ARSJ: variants seen among roughly 807,000 people sequenced by gnomAD.
The protein encoded by ARSJ is arylsulfatase family member J.
In ARSJ, 26 loss-of-function variants were observed where a neutral mutation model predicts 35.9. The observed-to-expected ratio is 0.72, with a 90% CI of 0.53 to 1.00. ARSJ has a LOEUF of 1.00. Ranked by LOEUF, ARSJ falls within the 50% of genes least tolerant of loss-of-function variation. The pLI is 0.00. For synonymous variants in ARSJ, 294 were observed against 267.6 expected, an observed-to-expected ratio of 1.10 and a Z score of -0.96; for missense variants, 667 against 723.6, an observed-to-expected ratio of 0.92 and a Z score of 0.90.
intron 1 of ARSJ, among the ~76,000 whole-genome samples, chr4:113,932,818 T>G (rs1478577352): frequency 1.3e-5 from 2 of 151,714 alleles, no homozygotes; most frequent in Non-Finnish European, 2.9e-5. Flanking sequence ...CAAGAACAAA[T>G]TAAACTCAAC....
intron 1 of ARSJ, among the ~76,000 whole-genome samples, chr4:113,916,832 T>C (rs112948822): frequency 0.013 from 2,028 of 152,246 alleles, 51 homozygotes; most frequent in South Asian, 0.061. Flanking sequence ...CAGTGCTCTA[T>C]GGGGAGACAC....
At position 113,972,293 on chromosome 4, in the gene ARSJ, G is replaced by GAAAAAAAAAA. The variant is rs750176630; in HGVS notation, c.398+6134_398+6143dup. Among the ~76,000 whole-genome samples the GAAAAAAAAAA allele has an allele frequency of 6.5e-5, 4 of 61,614 alleles. 2 individuals are homozygous for GAAAAAAAAAA. The highest frequency in any genetic ancestry group is 1.2e-4 in the Non-Finnish European group (4 of 32,944). 40.4% of individuals were successfully genotyped at this position (61,614 alleles called of 152,430 possible). ...TCATTACTTTCTAAGAGATGATCTGGAAAAAAAAAAAAACAAAAAAAAAAA... is the reference window on the plus strand; with the variant it reads ...TCATTACTTTCTAAGAGATGATCTGGAAAAAAAAAAAAAAAAAAAAAAACAAAAAAAAAAA... On this transcript the variant is annotated intron_variant, in intron 1 of 1. Coordinates refer to ENST00000315366, the MANE Select transcript of ARSJ (RefSeq NM_024590.4).
At chr4:113,911,085 G>A (rs777451669) in intron 1 of ARSJ, among the ~76,000 whole-genome samples, 32 of 152,262 alleles carry the variant, frequency 2.1e-4, no homozygotes, top group Non-Finnish European at 3.8e-4. Context: ...GATGATTTTT[G>A]CAGCAGGAGG....
At position 113,978,704 on chromosome 4, in the gene ARSJ, A is replaced by T; in HGVS notation, c.131T>A (p.Leu44Gln). ...CTCTTCTAAGGCCTGGCCCCAGGAC[A>T]GGTAACCATAAGTGAGGAGGCAGAG... ...WILCLLTYGY[L>Q]SWGQALEEEE... The change falls in exon 1 of 2, where the codon CTG becomes CAG. Residue 44 changes from leucine to glutamine, a missense_variant. Leu to Gln is a moderately radical substitution (Grantham distance 113). Transcript: ENST00000315366. 1 of 1,614,244 alleles carries T rather than the reference A, an allele frequency of 6.2e-7. No individual in the cohort carries two copies. Among genetic ancestry groups the T allele is most frequent in the South Asian group, 1.1e-5 (1 of 91,092 alleles).
At chr4:113,939,313 T>C (rs1198348776) in intron 1 of ARSJ, among the ~76,000 whole-genome samples, 2 of 147,706 alleles carry the variant, frequency 1.4e-5, no homozygotes, top group Non-Finnish European at 3.0e-5. Context: ...TCTATCATTG[T>C]TGGACATTTG....
chr4:113,918,634 G>A (rs2149257252), intron 1 of ARSJ, among the ~76,000 whole-genome samples: 2 of 152,136 alleles, frequency 1.3e-5, no homozygotes, highest in South Asian at 4.2e-4. Flanking sequence ...GCCAATTTAT[G>A]CCAAACATTC....
intron 1 of ARSJ, among the ~76,000 whole-genome samples, chr4:113,931,018 A>T (rs1180013126): frequency 6.6e-6 from 1 of 151,276 alleles, no homozygotes; most frequent in African/African-American, 2.4e-5. Flanking sequence ...CACTCTGGGG[A>T]CTGTGGTGGG....
At chr4:113,975,752 C>T (rs1727551974) in intron 1 of ARSJ, among the ~76,000 whole-genome samples, 1 of 152,180 alleles carries the variant, frequency 6.6e-6, no homozygotes. Context: ...AACACAGTGA[C>T]TGCTCAGCAG....
chr4:113,912,198 G>T (rs1722956408), intron 1 of ARSJ, among the ~76,000 whole-genome samples: 1 of 152,158 alleles, frequency 6.6e-6, no homozygotes, highest in Non-Finnish European at 1.5e-5. Flanking sequence ...TGGAGCCCAG[G>T]ATATACCATC....
intron 1 of ARSJ, among the ~76,000 whole-genome samples, chr4:113,949,159 G>A (rs1725693443): frequency 1.3e-5 from 2 of 151,912 alleles, no homozygotes; most frequent in East Asian, 3.9e-4. Flanking sequence ...ATGGGCACAG[G>A]GAGGGGAACA....
chr4:113,931,595 C>T (rs554843987), intron 1 of ARSJ, among the ~76,000 whole-genome samples: 2 of 152,172 alleles, frequency 1.3e-5, no homozygotes, highest in South Asian at 4.1e-4. Context: ...ATTAAAAATA[C>T]ATTTCAAATT....
chr4:113,903,013 C>T lies in ARSJ; in HGVS notation c.1061G>A (p.Arg354Gln). The stretch of plus-strand genomic sequence containing the variant: ...TGGGCTATGCACAAAGCCTACAGCC[C>T]GGATCCCTCCTTCCCAATATGTTCC... Reference protein sequence around the residue: ...SKGTYWEGGIRAVGFVHSPLL... With the variant: ...SKGTYWEGGIQAVGFVHSPLL... Residue 354 changes from arginine to glutamine, a missense_variant, in exon 2 of 2, where the codon CGG becomes CAG. By Grantham distance (43) the Arg-to-Gln change is conservative (BLOSUM62 1). Coordinates refer to ENST00000315366, the MANE Select transcript of ARSJ (RefSeq NM_024590.4). 3 of 1,614,110 alleles carry T rather than the reference C, an allele frequency of 1.9e-6. No individual in the cohort carries two copies. Among genetic ancestry groups the T allele is most frequent in the African/African-American group, 1.3e-5 (1 of 75,006 alleles).
Position 113,972,303 on chromosome 4 carries a change from AAAAC to A in ARSJ, c.398+6130_398+6133del, listed in dbSNP as rs1189698136. On this transcript the variant is annotated intron_variant, in intron 1 of 1. Coordinates refer to ENST00000315366, the MANE Select transcript of ARSJ (RefSeq NM_024590.4). Reference sequence around the variant, plus strand: ...CTAAGAGATGATCTGGAAAAAAAAAAAAACAAAAAAAAAAACCCCACCATGATTT... The same window carrying A: ...CTAAGAGATGATCTGGAAAAAAAAAAAAAAAAAAAAACCCCACCATGATTT... 1.1e-4 allele frequency among the ~76,000 whole-genome samples: 15 copies of A among 141,524 alleles called. 1 individual carries two copies. The East Asian group carries it at 2.5e-3, about 23-fold the overall frequency. 92.8% of individuals were successfully genotyped at this position (141,524 alleles called of 152,430 possible). A position where few individuals can be genotyped will look rare whatever the true frequency, so the allele number is the denominator to read the frequency against.
At chr4:113,917,690 T>C (rs1434612040) in intron 1 of ARSJ, among the ~76,000 whole-genome samples, 3 of 152,196 alleles carry the variant, frequency 2.0e-5, no homozygotes, top group African/African-American at 7.2e-5. Context: ...ATATGATCCT[T>C]ATGAATCTTC....
chr4:113,964,109 T>C (rs923765134), intron 1 of ARSJ, among the ~76,000 whole-genome samples: 3 of 152,094 alleles, frequency 2.0e-5, no homozygotes, highest in African/African-American at 7.2e-5. Flanking sequence ...CTCAGACTAT[T>C]GATCCAATTG....
chr4:113,957,390 A>G (rs1400814898), intron 1 of ARSJ, among the ~76,000 whole-genome samples: 1 of 152,110 alleles, frequency 6.6e-6, no homozygotes, highest in Non-Finnish European at 1.5e-5. Context: ...GAAACTCTTT[A>G]TGCTTGCAAA....
chr4:113,906,669 G>T, intron 1 of ARSJ: 1 of 452,722 alleles, frequency 2.2e-6, no homozygotes, highest in African/African-American at 2.0e-5. Flanking sequence ...ACAGACCTGG[G>T]TTTGAATTTG....
chr4:113,907,547 C>T (rs2149249681), intron 1 of ARSJ, among the ~76,000 whole-genome samples: 1 of 151,920 alleles, frequency 6.6e-6, no homozygotes, highest in African/African-American at 2.4e-5. Context: ...TACTGATATG[C>T]TCTTCTCTGG....
chr4:113,941,066 C>A (rs1330978854), intron 1 of ARSJ, among the ~76,000 whole-genome samples: 1 of 151,932 alleles, frequency 6.6e-6, no homozygotes, highest in Non-Finnish European at 1.5e-5. Flanking sequence ...CTATTTGGTT[C>A]TATAGCTAAA....
Sources: gnomAD v4.1 joint callset for allele counts (sites outside exome capture counted in the v4.1 genomes callset) on GRCh38, gnomAD v4.1.1 for gene constraint, MANE v1.5 for transcripts, NCBI Gene and HGNC (gene_info 2026-07-23, HGNC 2026-07-21) for gene names.